The following SLC35F1 variants were observed in gnomAD, a reference collection of about 807,000 sequenced individuals.
SLC35F1 encodes the protein solute carrier family 35 member F1.
A neutral mutation model predicts 48.7 loss-of-function variants in SLC35F1; 14 were observed. The observed-to-expected ratio is 0.29, with a 90% CI of 0.19 to 0.45. The LOEUF is 0.45. Among genes scored for constraint, SLC35F1 ranks in the 20% least tolerant of loss-of-function variants. The pLI is 1.00. For missense variants in SLC35F1, 404 were observed against 500.0 expected, an observed-to-expected ratio of 0.81 and a Z score of 1.83; for synonymous variants, 190 against 202.2, an observed-to-expected ratio of 0.94 and a Z score of 0.51.
chr6:118,167,502 A>G (rs922475301), intron 2 of SLC35F1, among the ~76,000 whole-genome samples: 1 of 152,186 alleles, frequency 6.6e-6, no homozygotes, highest in Non-Finnish European at 1.5e-5. Flanking sequence ...TGTACCAAAT[A>G]CTGTAGACAA....
intron 1 of SLC35F1, among the ~76,000 whole-genome samples, chr6:117,930,741 C>A (rs1338171727): frequency 6.6e-6 from 1 of 152,098 alleles, no homozygotes; most frequent in East Asian, 1.9e-4. Flanking sequence ...CAGGCAGGGC[C>A]CAAACTTATT....
intron 1 of SLC35F1, among the ~76,000 whole-genome samples, chr6:118,016,095 C>A (rs1472423512): frequency 6.6e-6 from 1 of 152,210 alleles, no homozygotes; most frequent in Non-Finnish European, 1.5e-5. Flanking sequence ...CCCAAACAGG[C>A]ACCCATTCTC....
intron 2 of SLC35F1, among the ~76,000 whole-genome samples, chr6:118,175,904 CTT>C (rs1428792446): frequency 6.6e-6 from 1 of 151,934 alleles, no homozygotes; most frequent in African/African-American, 2.4e-5. Flanking sequence ...TGAAAAATAA[CTT>C]TTCTTATTTA....
intron 1 of SLC35F1, among the ~76,000 whole-genome samples, chr6:117,980,787 G>A (rs1776766945): frequency 6.6e-6 from 1 of 152,206 alleles, no homozygotes; most frequent in South Asian, 2.1e-4. Flanking sequence ...TTTTTCAAAG[G>A]AGGTGACATC....
At chr6:118,105,758 G>A (rs1396385071) in intron 1 of SLC35F1, among the ~76,000 whole-genome samples, 2 of 152,104 alleles carry the variant, frequency 1.3e-5, no homozygotes, top group Admixed American at 6.6e-5. Flanking sequence ...CCTGACCAGT[G>A]GAGTGCTCAA....
intron 1 of SLC35F1, among the ~76,000 whole-genome samples, chr6:118,151,180 G>A (rs1774051363): frequency 6.6e-6 from 1 of 152,106 alleles, no homozygotes; most frequent in South Asian, 2.1e-4. Context: ...CCAGTGATGT[G>A]CTTCTTCTCC....
chr6:117,991,009 A>C (rs7745245), intron 1 of SLC35F1, among the ~76,000 whole-genome samples: 6 of 152,268 alleles, frequency 3.9e-5, no homozygotes, highest in Non-Finnish European at 7.4e-5. Context: ...CCAGTTCTTA[A>C]TTTTTTTCTG....
chr6:117,915,706 C>T (rs1375757718), intron 1 of SLC35F1, among the ~76,000 whole-genome samples: 1 of 152,098 alleles, frequency 6.6e-6, no homozygotes. Flanking sequence ...TTTTAGGTTA[C>T]TGAGTAGAGA....
intron 2 of SLC35F1, among the ~76,000 whole-genome samples, chr6:118,188,928 T>G (rs770739323): frequency 6.6e-6 from 1 of 152,168 alleles, no homozygotes; most frequent in Non-Finnish European, 1.5e-5. Flanking sequence ...TTTGTTTGTT[T>G]TTTGAGACAG....
chr6:118,049,918 A>C (rs913042965), intron 1 of SLC35F1, among the ~76,000 whole-genome samples: 4 of 152,174 alleles, frequency 2.6e-5, no homozygotes, highest in African/African-American at 9.7e-5. Context: ...ATGCACACGT[A>C]TGTTTATTGT....
At chr6:118,302,601 C>T (rs974067495) in intron 7 of SLC35F1, among the ~76,000 whole-genome samples, 2 of 152,232 alleles carry the variant, frequency 1.3e-5, no homozygotes, top group South Asian at 2.1e-4. Flanking sequence ...ACTTAGGGGA[C>T]ACCTCTAGAT....
intron 1 of SLC35F1, among the ~76,000 whole-genome samples, chr6:118,020,447 T>C (rs1777379442): frequency 6.6e-6 from 1 of 152,218 alleles, no homozygotes; most frequent in Non-Finnish European, 1.5e-5. Flanking sequence ...CTGATAATTG[T>C]ATGCAAAGTG....
chr6:118,263,092 TG>T (rs1245890641), intron 3 of SLC35F1, among the ~76,000 whole-genome samples: 2 of 152,254 alleles, frequency 1.3e-5, no homozygotes, highest in African/African-American at 2.4e-5. Context: ...AATCTCACTC[TG>T]TTGCCCAGGA....
intron 1 of SLC35F1, among the ~76,000 whole-genome samples, chr6:118,068,458 A>G (rs1772650038): frequency 6.6e-6 from 1 of 152,194 alleles, no homozygotes; most frequent in Admixed American, 6.5e-5. Context: ...CAGAAGTCTC[A>G]ATCAACTCTC....
At chr6:118,112,307 T>C (rs1027070003) in intron 1 of SLC35F1, among the ~76,000 whole-genome samples, 2 of 152,084 alleles carry the variant, frequency 1.3e-5, no homozygotes, top group East Asian at 1.9e-4. Flanking sequence ...AAGGTAATAA[T>C]ATTGATTCTT....
chr6:118,225,404 T>C (rs1775202596), intron 2 of SLC35F1, among the ~76,000 whole-genome samples: 1 of 152,174 alleles, frequency 6.6e-6, no homozygotes, highest in South Asian at 2.1e-4. Flanking sequence ...GGAAGTCTCT[T>C]CAATAAATGA....
intron 1 of SLC35F1, among the ~76,000 whole-genome samples, chr6:118,011,368 T>C (rs1004675164): frequency 6.6e-6 from 1 of 152,106 alleles, no homozygotes; most frequent in African/African-American, 2.4e-5. Context: ...CAGGTACATC[T>C]TCACATGGCT....
chr6:117,956,372 G>T (rs1375580636), intron 1 of SLC35F1, among the ~76,000 whole-genome samples: 1 of 152,228 alleles, frequency 6.6e-6, no homozygotes, highest in Non-Finnish European at 1.5e-5. Flanking sequence ...CAGCTGGAGA[G>T]AACATATAAG....
intron 1 of SLC35F1, among the ~76,000 whole-genome samples, chr6:117,995,319 AATGAGAGCCTTC>A (rs1776970606): frequency 6.6e-6 from 1 of 152,190 alleles, no homozygotes; most frequent in African/African-American, 2.4e-5. Context: ...GCTAAATACC[AATGAGAGCCTTC>A]ATGAATTCCA....
Sources: gnomAD v4.1 joint callset for allele counts (sites outside exome capture counted in the v4.1 genomes callset) on GRCh38, gnomAD v4.1.1 for gene constraint, MANE v1.5 for transcripts, NCBI Gene and HGNC (gene_info 2026-07-23, HGNC 2026-07-21) for gene names.